The following ZFP64 variants were observed in gnomAD, a reference collection of about 807,000 sequenced individuals.
ZFP64 encodes zinc finger protein 64.
A neutral mutation model predicts 51.6 loss-of-function variants in ZFP64; 14 were observed. The ratio of observed to expected loss-of-function variants is 0.27; its 90% CI spans 0.18 to 0.42. ZFP64 has a LOEUF of 0.42. Among genes scored for constraint, ZFP64 ranks in the 10% least tolerant of loss-of-function variants. The pLI is 1.00. For synonymous variants in ZFP64, 375 were observed against 361.4 expected (o/e 1.04, Z -0.43); for missense variants, 754 against 906.8 (o/e 0.83, Z 2.16).
chr20:52,180,275 T>G (rs576996187), intron 2 of ZFP64, among the ~76,000 whole-genome samples: 2 of 152,342 alleles, frequency 1.3e-5, no homozygotes, highest in South Asian at 4.1e-4. Flanking sequence ...TCGTAATATG[T>G]GCTGCTGCAA....
At chr20:52,166,136 T>G (rs747618748) in intron 2 of ZFP64, 111 bp from the exon 3 acceptor site, 91 of 1,128,694 alleles carry the variant, frequency 8.1e-5, no homozygotes, top group Non-Finnish European at 1.0e-4. Context: ...TTTCCCAGCC[T>G]CCCTTGCGGC....
chr20:52,096,629 C>T lies in ZFP64; in HGVS notation c.976+744G>A, dbSNP rs554374825. 9.2e-5 allele frequency among the ~76,000 whole-genome samples: 14 copies of T among 152,306 alleles called. No individual in the cohort carries two copies. The South Asian group carries it at 2.9e-3, about 32-fold the overall frequency. ...GCAGGATGGGCATGGTGGCTCATGC[C>T]TGTAATTCCAGCACTTTAGGGGGCC... On this transcript the variant is annotated intron_variant, in intron 7 of 8. Coordinates refer to the ZFP64 transcript ENST00000361387.
At chr20:52,175,836 G>A in intron 2 of ZFP64, 1 of 788,946 alleles carries the variant, frequency 1.3e-6, no homozygotes, top group Non-Finnish European at 1.5e-6. Flanking sequence ...GTGAGACTCC[G>A]TTCCCTTCCC....
chr20:52,186,780 T>C (rs1983996039), intron 2 of ZFP64, 52 bp downstream of exon 2: 2 of 1,560,102 alleles, frequency 1.3e-6, no homozygotes, highest in Non-Finnish European at 8.7e-7. Flanking sequence ...ATGGACGTGT[T>C]TGAGACACAG....
At chr20:52,165,723 A>G (rs1982206974) in intron 3 of ZFP64, 141 bp downstream of exon 3, 1 of 1,143,152 alleles carries the variant, frequency 8.7e-7, no homozygotes, top group Admixed American at 2.2e-5. Context: ...GTGCTGATGT[A>G]AATGCCAGGG....
rs534330119 is a variant in ZFP64 at position 52,163,991 on chromosome 20, C to T, written c.511+704G>A. Among the ~76,000 whole-genome samples, 10 of 152,268 alleles carry T rather than the reference C, an allele frequency of 6.6e-5. No homozygotes were observed. The East Asian group carries it at 1.9e-3, about 29-fold the overall frequency. On this transcript the variant is annotated intron_variant, in intron 4 of 5. Coordinates refer to ENST00000216923, the MANE Select transcript of ZFP64 (RefSeq NM_018197.3). ...AAAAATAACACACACTCACTGTATT[C>T]AGTGATATAACATAAAGATACATAA...
At chr20:52,111,853 G>T (rs59675213) in intron 5 of ZFP64, among the ~76,000 whole-genome samples, 3 of 151,824 alleles carry the variant, frequency 2.0e-5, no homozygotes, top group Non-Finnish European at 2.9e-5. Flanking sequence ...AGGCTGAGGC[G>T]GGTGGATCAC....
intron 3 of ZFP64, 173 bp downstream of exon 3, chr20:52,165,691 G>C (rs530162495): frequency 1.2e-6 from 1 of 857,246 alleles, no homozygotes. Flanking sequence ...AATGACCACA[G>C]ACAGTGGGAG....
chr20:52,111,343 A>C (rs1203014421), intron 5 of ZFP64, among the ~76,000 whole-genome samples: 1 of 151,348 alleles, frequency 6.6e-6, no homozygotes, highest in African/African-American at 2.4e-5. Context: ...CAGCCTCCCA[A>C]GTAGCTGGGA....
intron 6 of ZFP64, chr20:52,098,378 A>T: frequency 6.3e-7 from 1 of 1,593,172 alleles, no homozygotes; most frequent in Non-Finnish European, 8.6e-7. Context: ...AGATTCACGT[A>T]GGGCTTGCAG....
chr20:52,098,105 G>A lies in ZFP64; in HGVS notation c.913+333C>T, dbSNP rs550395398. Among the ~76,000 whole-genome samples the A allele has an allele frequency of 6.0e-5, 9 of 148,764 alleles. No homozygotes were observed. In the East Asian group the frequency reaches 1.4e-3, roughly 23 times the overall value. ...GGAGAATTGCTAGAACCTGAGAGGC[G>A]GAGGTTGCAGTGAGCCGAGATCACA... On this transcript the variant is annotated intron_variant, in intron 6 of 8. Coordinates refer to the ZFP64 transcript ENST00000361387.
chr20:52,136,859 C>T (rs749900375), intron 5 of ZFP64, among the ~76,000 whole-genome samples: 8 of 152,022 alleles, frequency 5.3e-5, no homozygotes, highest in Non-Finnish European at 1.0e-4. Context: ...CTCTGCCTCC[C>T]GGGCAAGTGA....
chr20:52,113,203 G>A (rs1196350095), intron 5 of ZFP64, among the ~76,000 whole-genome samples: 2 of 151,588 alleles, frequency 1.3e-5, no homozygotes, highest in South Asian at 2.1e-4. Flanking sequence ...GCGTGGTGGC[G>A]GGTGCCTGTA....
rs1191031025 is a variant in ZFP64 at position 52,153,176 on chromosome 20, G to A, written c.1016C>T (p.Ser339Leu). The A allele has an allele frequency of 1.9e-6, 3 of 1,614,096 alleles. No individual in the cohort carries two copies. The highest frequency in any genetic ancestry group is 1.3e-5 in the African/African-American group (1 of 74,940). Residue 339 changes from serine to leucine, a missense_variant, in exon 6 of 6, where the codon TCG (serine) becomes TTG (leucine). This residue lies in a region of ZFP64 where 428 missense variants were observed against 472.4 expected (regional missense o/e 0.91). Coordinates refer to ENST00000216923, the MANE Select transcript of ZFP64 (RefSeq NM_018197.3). The surrounding 1 kb of genome is among the most constrained non-coding windows in gnomAD (Gnocchi z 5.1). ...TTCCGAGCACTTCTCAGGATGCTCC[G>A]ACTGGTGCACGCGGCTGTGCTTCCG... ...TLRKHSRVHQ[S>L]EHPEKCSECS...
chr20:52,142,376 A>ACACACACACACAC (rs1980299419), intron 5 of ZFP64, among the ~76,000 whole-genome samples: 2 of 96,738 alleles, frequency 2.1e-5, no homozygotes, highest in Non-Finnish European at 2.3e-5. Context: ...ACACACACAC[A>ACACACACACACAC]GACACACACA....
chr20:52,181,892 T>C (rs1216996526), intron 2 of ZFP64, among the ~76,000 whole-genome samples: 1 of 152,082 alleles, frequency 6.6e-6, no homozygotes, highest in Admixed American at 6.6e-5. Context: ...ACCAATCTAA[T>C]AAGTGTAAAA....
intron 2 of ZFP64, among the ~76,000 whole-genome samples, chr20:52,185,533 G>A (rs1343132109): frequency 1.3e-5 from 2 of 148,528 alleles, no homozygotes; most frequent in African/African-American, 5.0e-5. Context: ...TTACTAAGGT[G>A]ACCAAACCTC....
chr20:52,094,040 C>G (rs1238486665), intron 7 of ZFP64, among the ~76,000 whole-genome samples: 1 of 152,096 alleles, frequency 6.6e-6, no homozygotes, highest in Non-Finnish European at 1.5e-5. Flanking sequence ...GAGTGCATAG[C>G]ACAACAAAGG....
At chr20:52,122,431 G>A (rs901695590) in intron 5 of ZFP64, among the ~76,000 whole-genome samples, 24 of 151,200 alleles carry the variant, frequency 1.6e-4, no homozygotes, top group African/African-American at 5.4e-4. Flanking sequence ...GCGTGAACCC[G>A]GGAGGTGGAG....
Sources: gnomAD v4.1 joint callset for allele counts (sites outside exome capture counted in the v4.1 genomes callset) on GRCh38, gnomAD v4.1.1 for gene constraint, gnomAD v4.1.1 regional missense constraint, Gnocchi (gnomAD v3.1) non-coding constraint, MANE v1.5 for transcripts, NCBI Gene and HGNC (gene_info 2026-07-23, HGNC 2026-07-21) for gene names.